The following CADM2 variants were observed in gnomAD, a reference collection of about 807,000 sequenced individuals.
CADM2 encodes the protein cell adhesion molecule 2.
CADM2 carries 12 observed loss-of-function variants against 49.8 expected under a neutral mutation model. The observed-to-expected ratio is 0.24, with a 90% confidence interval of 0.15 to 0.39. CADM2 has a LOEUF of 0.39. Among genes scored for constraint, CADM2 ranks in the 10% least tolerant of loss-of-function variants. The probability of loss-of-function intolerance (pLI) is 1.00; values close to 1 mark genes in which losing one functional copy is unlikely to be tolerated. For synonymous variants in CADM2, 214 were observed against 175.4 expected, an observed-to-expected ratio of 1.22 and a Z score of -1.74; for missense variants, 378 against 492.3, an observed-to-expected ratio of 0.77 and a Z score of 2.20.
At chr3:85,188,466 T>C (rs1409582014) in intron 1 of CADM2, among the ~76,000 whole-genome samples, 1 of 152,216 alleles carries the variant, frequency 6.6e-6, no homozygotes, top group Non-Finnish European at 1.5e-5. Flanking sequence ...CTGTATTTGC[T>C]CAGTATATTT....
At chr3:85,818,549 G>A (rs1461323879) in intron 3 of CADM2, among the ~76,000 whole-genome samples, 1 of 152,114 alleles carries the variant, frequency 6.6e-6, no homozygotes, top group Non-Finnish European at 1.5e-5. Context: ...TACTCTCTCA[G>A]TAGTTCAAAT....
chr3:85,084,491 G>A (rs577920060), intron 1 of CADM2, among the ~76,000 whole-genome samples: 1 of 152,082 alleles, frequency 6.6e-6, no homozygotes, highest in South Asian at 2.1e-4. Context: ...CTCCAATATA[G>A]AGTAGCCACT....
rs1265472256 is a variant in CADM2 at position 85,802,067 on chromosome 3, C to T, written c.109C>T (p.Leu37=). Residue 37 remains leucine, a synonymous_variant, in exon 3 of 10, where the codon CTA becomes TTA. Coordinates refer to ENST00000383699, the MANE Select transcript of CADM2 (RefSeq NM_001167675.2). ...KVKGSQGQFP[L]TQNVTVVEGG... ...TTTAGGCAGCCAAGGGCAGTTTCCACTAACACAGAATGTAACCGTTGTTGA... is the reference window on the plus strand; with the variant it reads ...TTTAGGCAGCCAAGGGCAGTTTCCATTAACACAGAATGTAACCGTTGTTGA... The T allele has an allele frequency of 3.1e-6, 5 of 1,610,856 alleles. No individual in the cohort carries two copies. The highest frequency in any genetic ancestry group is 2.5e-6 in the Non-Finnish European group (3 of 1,178,376).
intron 1 of CADM2, among the ~76,000 whole-genome samples, chr3:85,464,978 T>C (rs1393496476): frequency 2.0e-5 from 3 of 151,992 alleles, no homozygotes; most frequent in African/African-American, 7.2e-5. Flanking sequence ...TGAAACCCCG[T>C]CTCTACTGAA....
chr3:85,515,631 A>ATATATATT (rs1159969286), intron 1 of CADM2, among the ~76,000 whole-genome samples: 40 of 118,402 alleles, frequency 3.4e-4, no homozygotes, highest in Middle Eastern at 4.6e-3. Flanking sequence ...ATATATATAT[A>ATATATATT]TTTTTTTTTT....
Position 85,425,083 on chromosome 3 carries a change from A to G in CADM2, c.62-301439A>G, listed in dbSNP as rs568798336. Among the ~76,000 whole-genome samples, 3 of 152,342 alleles carry G rather than the reference A, an allele frequency of 2.0e-5. No individual in the cohort carries two copies. In the East Asian group the frequency reaches 5.8e-4, roughly 29 times the overall value. On this transcript the variant is annotated intron_variant, in intron 1 of 9. Transcript: ENST00000383699. ...AGAAATACATGTTTTATTACGATAT[A>G]AATGAAAGAGGTCACGAACATATTC... is the stretch of plus-strand genomic sequence containing the variant.
At chr3:86,004,444 G>A (rs1028425104) in intron 8 of CADM2, among the ~76,000 whole-genome samples, 38 of 152,320 alleles carry the variant, frequency 2.5e-4, no homozygotes, top group African/African-American at 9.1e-4. Flanking sequence ...TGAGGTTACT[G>A]TGATGCCGTG....
rs142572784 is a variant in CADM2 at position 85,112,328 on chromosome 3, C to T, written c.61+152660C>T. 3.9e-4 allele frequency among the ~76,000 whole-genome samples: 58 copies of T among 150,410 alleles called. 1 individual carries two copies. In the East Asian group the frequency reaches 0.011, roughly 28 times the overall value. On this transcript the variant is annotated intron_variant, in intron 1 of 9. Coordinates refer to ENST00000383699, the MANE Select transcript of CADM2 (RefSeq NM_001167675.2). ...TGAATAAAATCACAGAATACTGCCT[C>T]TTATTTGAAAATTCTGGAGAAACTG...
chr3:84,964,028 C>T (rs2030774739), intron 1 of CADM2, among the ~76,000 whole-genome samples: 1 of 152,114 alleles, frequency 6.6e-6, no homozygotes, highest in African/African-American at 2.4e-5. Context: ...AGTTTCTAGA[C>T]TAGTTTTATA....
At chr3:85,510,762 T>C (rs2040579383) in intron 1 of CADM2, among the ~76,000 whole-genome samples, 1 of 152,200 alleles carries the variant, frequency 6.6e-6, no homozygotes, top group South Asian at 2.1e-4. Flanking sequence ...TTCATTCATC[T>C]ATCTATTTAT....
At chr3:85,872,434 T>C (rs1228772009) in intron 3 of CADM2, among the ~76,000 whole-genome samples, 1 of 152,126 alleles carries the variant, frequency 6.6e-6, no homozygotes, top group Non-Finnish European at 1.5e-5. Flanking sequence ...ATGTATATTT[T>C]TTCCAATGTT....
chr3:85,561,434 C>T (rs1234433862), intron 1 of CADM2, among the ~76,000 whole-genome samples: 2 of 152,158 alleles, frequency 1.3e-5, no homozygotes, highest in African/African-American at 4.8e-5. Flanking sequence ...AATTCATTTT[C>T]ATCATTATCA....
chr3:85,491,614 A>C (rs57755423), intron 1 of CADM2, among the ~76,000 whole-genome samples: 90,441 of 151,898 alleles, frequency 0.6, 28,379 homozygotes, highest in East Asian at 0.93. Flanking sequence ...CTGTTCCCGG[A>C]AATGTACCAC....
chr3:85,412,645 A>G (rs1008355248), intron 1 of CADM2, among the ~76,000 whole-genome samples: 5 of 152,150 alleles, frequency 3.3e-5, no homozygotes, highest in African/African-American at 1.2e-4. Flanking sequence ...GAGCGCTAAT[A>G]AAGATTAGGA....
In CADM2 at chr3:85,083,573, C is replaced by T. The variant is rs115166354; in HGVS notation, c.61+123905C>T. 8.3e-3 allele frequency among the ~76,000 whole-genome samples: 1,257 copies of T among 152,118 alleles called. 7 individuals are homozygous for T. Among genetic ancestry groups the T allele is most frequent in the Non-Finnish European group, 0.014 (954 of 67,980 alleles). ...TGCTGTCAATGAAGTTGACAATGAA[C>T]CTTAATGAAGATCCGATTAAGGATG... On this transcript the variant is annotated intron_variant, in intron 1 of 9. Transcript: ENST00000383699.
chr3:85,362,390 A>G (rs775239087), intron 1 of CADM2, among the ~76,000 whole-genome samples: 3 of 152,212 alleles, frequency 2.0e-5, no homozygotes, highest in Non-Finnish European at 2.9e-5. Flanking sequence ...TGAATAATCA[A>G]ATAACTGTAT....
intron 1 of CADM2, among the ~76,000 whole-genome samples, chr3:85,421,444 T>C (rs2036167283): frequency 6.6e-6 from 1 of 152,200 alleles, no homozygotes; most frequent in African/African-American, 2.4e-5. Flanking sequence ...AATTAATTCA[T>C]GCAGAAGAAT....
chr3:85,328,218 C>T (rs1391251777), intron 1 of CADM2, among the ~76,000 whole-genome samples: 4 of 152,090 alleles, frequency 2.6e-5, no homozygotes, highest in Non-Finnish European at 5.9e-5. Context: ...CTCTGTATAT[C>T]TTGTAGGTCA....
At chr3:85,644,939 T>C (rs2064838965) in intron 1 of CADM2, among the ~76,000 whole-genome samples, 1 of 152,124 alleles carries the variant, frequency 6.6e-6, no homozygotes, top group Non-Finnish European at 1.5e-5. Flanking sequence ...CTTTTCTGGC[T>C]CCCTATCAAT....
Sources: gnomAD v4.1 joint callset for allele counts (sites outside exome capture counted in the v4.1 genomes callset) on GRCh38, gnomAD v4.1.1 for gene constraint, MANE v1.5 for transcripts, NCBI Gene and HGNC (gene_info 2026-07-23, HGNC 2026-07-21) for gene names.